Variants in KALRN observed in about 807,000 individuals in gnomAD.
KALRN encodes the protein kalirin.
Under a neutral mutation model 353.7 loss-of-function variants are expected in KALRN, and 70 were observed. The ratio of observed to expected loss-of-function variants is 0.20; its 90% CI spans 0.16 to 0.24. The LOEUF (loss-of-function observed/expected upper bound fraction) is 0.24. Among genes scored for constraint, KALRN ranks in the 10% least tolerant of loss-of-function variants. The pLI, the probability that KALRN is intolerant of heterozygous loss-of-function variation, is 1.00. For synonymous variants in KALRN, 1,391 were observed against 1,434.8 expected, an observed-to-expected ratio of 0.97 and a Z score of 0.69; for missense variants, 2,791 against 3,756.7, an observed-to-expected ratio of 0.74 and a Z score of 6.72.
chr3:124,091,720 G>A (rs1053938933), intron 1 of KALRN, among the ~76,000 whole-genome samples: 2 of 152,144 alleles, frequency 1.3e-5, no homozygotes, highest in African/African-American at 4.8e-5. Flanking sequence ...AGCCAGCTGG[G>A]TGGGCTGGAG....
At chr3:124,064,496 T>C (rs1159919952) in intron 1 of KALRN, among the ~76,000 whole-genome samples, 1 of 152,154 alleles carries the variant, frequency 6.6e-6, no homozygotes, top group African/African-American at 2.4e-5. Flanking sequence ...TCTCTCTTCC[T>C]TGTTTTTCTT....
chr3:124,345,403 C>G (rs1196531508), intron 9 of KALRN, among the ~76,000 whole-genome samples: 1 of 152,146 alleles, frequency 6.6e-6, no homozygotes, highest in Non-Finnish European at 1.5e-5. Context: ...TAAAAATATA[C>G]TCTCCTGATT....
At chr3:124,433,593 G>A (rs1222065266) in intron 16 of KALRN, among the ~76,000 whole-genome samples, 1 of 96,162 alleles carries the variant, frequency 1.0e-5, no homozygotes, top group East Asian at 3.3e-4. Context: ...TCAAGACCCT[G>A]TCTAAAAAAA....
chr3:124,664,336 T>A (rs998581132), intron 45 of KALRN, among the ~76,000 whole-genome samples: 9 of 60,332 alleles, frequency 1.5e-4, no homozygotes, highest in East Asian at 5.3e-4. Flanking sequence ...TACATGTGAG[T>A]GTGTGTGTGT....
At chr3:124,370,562 GC>G (rs2085703429) in intron 10 of KALRN, among the ~76,000 whole-genome samples, 1 of 152,168 alleles carries the variant, frequency 6.6e-6, no homozygotes. Context: ...GTCTGCTTTT[GC>G]TTTGACAGGC....
intron 10 of KALRN, among the ~76,000 whole-genome samples, chr3:124,368,864 G>A (rs927421477): frequency 4.6e-5 from 7 of 152,346 alleles, no homozygotes; most frequent in South Asian, 4.1e-4. Flanking sequence ...GCTGGAGACC[G>A]GCCGGCCAAC....
intron 33 of KALRN, among the ~76,000 whole-genome samples, chr3:124,503,577 G>C (rs973431934): frequency 2.6e-5 from 4 of 152,080 alleles, no homozygotes; most frequent in African/African-American, 9.7e-5. Context: ...GGAGGAGAAG[G>C]AGCAGAGAGC....
chr3:124,442,118 T>C (rs2093687248), intron 19 of KALRN, 59 bp downstream of exon 19: 1 of 972,318 alleles, frequency 1.0e-6, no homozygotes, highest in African/African-American at 1.7e-5. Flanking sequence ...CCCTGAAATA[T>C]ACCATGTACC....
chr3:124,185,323 A>T (rs953421376), intron 1 of KALRN, among the ~76,000 whole-genome samples: 3 of 152,170 alleles, frequency 2.0e-5, no homozygotes, highest in African/African-American at 7.2e-5. Flanking sequence ...ACCTCTAACA[A>T]ATGCAACAAG....
At chr3:124,659,564 C>G in intron 43 of KALRN, 107 bp downstream of exon 43, 1 of 768,970 alleles carries the variant, frequency 1.3e-6, no homozygotes, top group Non-Finnish European at 2.3e-6. Context: ...CACACTGTCC[C>G]AAAGGACTGT....
chr3:124,424,028 A>G (rs776231480), intron 15 of KALRN, among the ~76,000 whole-genome samples: 11 of 152,198 alleles, frequency 7.2e-5, no homozygotes, highest in Non-Finnish European at 1.3e-4. Flanking sequence ...CATCTTCATC[A>G]ATCCTCACAA....
At chr3:124,694,227 A>G (rs2061952938) in intron 52 of KALRN, 105 bp from the exon 53 acceptor site, 3 of 1,104,800 alleles carry the variant, frequency 2.7e-6, no homozygotes, top group Non-Finnish European at 4.0e-6. Context: ...TATTTGAATC[A>G]TTACATGACA....
At chr3:124,185,333 G>A (rs986184708) in intron 1 of KALRN, among the ~76,000 whole-genome samples, 2 of 152,216 alleles carry the variant, frequency 1.3e-5, no homozygotes, top group Admixed American at 6.5e-5. Context: ...AATGCAACAA[G>A]CTACCAAAAC....
intron 25 of KALRN, among the ~76,000 whole-genome samples, chr3:124,471,112 C>T (rs2060846105): frequency 6.6e-6 from 1 of 151,818 alleles, no homozygotes. Flanking sequence ...ACATGTTTAC[C>T]AAAGAGAATA....
rs2082712491 is a variant in KALRN at position 124,350,327 on chromosome 3, C to A, written c.1770+3062C>A. ...ATTCACGCTAAAGAAAGAATGGACA[C>A]ATTTTTGAGAGCTTATGTTTCCATT... On this transcript the variant is annotated intron_variant, in intron 10 of 59. Transcript: ENST00000682506. 2.6e-5 allele frequency among the ~76,000 whole-genome samples: 4 copies of A among 152,170 alleles called. 1 individual carries two copies. The highest frequency in any genetic ancestry group is 2.0e-4 in the Admixed American group (3 of 15,268).
At chr3:124,704,747 A>C (rs2062516041) in intron 57 of KALRN, among the ~76,000 whole-genome samples, 1 of 151,882 alleles carries the variant, frequency 6.6e-6, no homozygotes, top group Non-Finnish European at 1.5e-5. Flanking sequence ...ACGGTATTTC[A>C]CCATGTTGCC....
rs897898473 is a variant in KALRN at position 124,413,798 on chromosome 3, C to G, written c.2542+133C>G. The stretch of plus-strand genomic sequence containing the variant: ...TACAAAGAATAGAGATTTTTACCCA[C>G]ATTTTTTTTAAAAGAAAGGAAACGA... On this transcript the variant is annotated intron_variant, in intron 14 of 59. Transcript: ENST00000682506. The G allele has an allele frequency of 6.3e-6, 5 of 791,286 alleles. No individual in the cohort carries two copies. In the African/African-American group the frequency reaches 8.8e-5, roughly 14 times the overall value. The allele number at this position is 791,286 out of a possible 1,614,324, so 49.0% of individuals were successfully genotyped here. A position where few individuals can be genotyped will look rare whatever the true frequency, so the allele number is the denominator to read the frequency against.
chr3:124,331,485 G>T (rs919594099), intron 8 of KALRN, among the ~76,000 whole-genome samples: 1 of 152,084 alleles, frequency 6.6e-6, no homozygotes, highest in Non-Finnish European at 1.5e-5. Context: ...TAAAATGAAG[G>T]TAATGTATGT....
At chr3:124,113,632 A>T (rs186612753) in intron 1 of KALRN, among the ~76,000 whole-genome samples, 175 of 152,248 alleles carry the variant, frequency 1.1e-3, no homozygotes, top group African/African-American at 4.0e-3. Context: ...AGCCATTGGT[A>T]GTTTCTTTTA....
Sources: allele counts gnomAD v4.1 joint callset (sites outside exome capture counted in the v4.1 genomes callset), GRCh38; gene constraint gnomAD v4.1.1; transcripts MANE v1.5; gene names NCBI Gene and HGNC (gene_info 2026-07-23, HGNC 2026-07-21).